Variants in ZMYM2 observed in about 807,000 individuals in gnomAD.
ZMYM2 encodes zinc finger MYM-type containing 2, also known as zinc finger MYM-type protein 2.
ZMYM2 carries 56 observed loss-of-function variants against 162.8 expected under a neutral mutation model. The ratio of observed to expected loss-of-function variants is 0.34; its 90% CI spans 0.28 to 0.43. ZMYM2 has a LOEUF of 0.43. Ranked by LOEUF, ZMYM2 falls within the 20% of genes least tolerant of loss-of-function variation. The probability of loss-of-function intolerance (pLI) is 1.00; values close to 1 mark genes in which losing one functional copy is unlikely to be tolerated. For missense variants in ZMYM2, 1,275 were observed against 1,621.8 expected (o/e 0.79, Z 3.67); for synonymous variants, 510 against 541.6 (o/e 0.94, Z 0.81).
chr13:20,051,253 G>GCATCTTTTTTTTTTTTTTTTT lies in ZMYM2; in HGVS notation c.2293-180_2293-179insCATCTTTTTTTTTTTTTTTTT, dbSNP rs369364385. ...GATGGACTTTGTCAACTGTGAAATTGTATTTTTTTTTTTTTTTTTCATTTA... is the reference window on the plus strand; with the variant it reads ...GATGGACTTTGTCAACTGTGAAATTGCATCTTTTTTTTTTTTTTTTTTATTTTTTTTTTTTTTTTTCATTTA... On this transcript the variant is annotated intron_variant, in intron 12 of 24. Coordinates refer to ENST00000610343, the MANE Select transcript of ZMYM2 (RefSeq NM_197968.4). 1.9e-4 allele frequency among the ~76,000 whole-genome samples: 14 copies of GCATCTTTTTTTTTTTTTTTTT among 74,210 alleles called. 2 individuals carry two copies. Among genetic ancestry groups the GCATCTTTTTTTTTTTTTTTTT allele is most frequent in the Non-Finnish European group, 1.5e-4 (5 of 33,782 alleles). 48.7% of individuals were successfully genotyped at this position (74,210 alleles called of 152,430 possible).
At chr13:19,973,355 T>C (rs572884794) in intron 2 of ZMYM2, among the ~76,000 whole-genome samples, 15 of 152,154 alleles carry the variant, frequency 9.9e-5, no homozygotes, top group African/African-American at 2.6e-4. Context: ...TGCAAGACTT[T>C]AATGAAGGAA....
intron 2 of ZMYM2, among the ~76,000 whole-genome samples, chr13:19,984,256 GACA>G (rs1329414749): frequency 5.9e-5 from 9 of 152,020 alleles, no homozygotes; most frequent in African/African-American, 1.4e-4. Context: ...GTTTTTTCAT[GACA>G]ACATCAACTG....
chr13:19,984,499 C>A (rs1948980631), intron 2 of ZMYM2, among the ~76,000 whole-genome samples: 1 of 152,138 alleles, frequency 6.6e-6, no homozygotes, highest in African/African-American at 2.4e-5. Flanking sequence ...AGAAGAAAAG[C>A]CATGTGAACT....
chr13:20,034,160 A>T, intron 10 of ZMYM2, 94 bp from the exon 11 acceptor site: 2 of 1,132,898 alleles, frequency 1.8e-6, no homozygotes, highest in Non-Finnish European at 2.3e-6. Flanking sequence ...AACATTAAAT[A>T]GGTAAATGAT....
the ZMYM2 span, among the ~76,000 whole-genome samples, chr13:19,888,347 C>T: frequency 6.6e-6 from 1 of 151,602 alleles, no homozygotes; most frequent in Non-Finnish European, 1.5e-5. Context: ...ACCACCATGG[C>T]GGGCTAATTT....
intron 21 of ZMYM2, among the ~76,000 whole-genome samples, chr13:20,068,902 T>C (rs980150977): frequency 2.6e-5 from 4 of 152,152 alleles, no homozygotes; most frequent in Non-Finnish European, 4.4e-5. Context: ...GGGTTATGTA[T>C]GGAATTTCAT....
intron 10 of ZMYM2, among the ~76,000 whole-genome samples, chr13:20,033,652 C>A (rs1953406608): frequency 6.6e-6 from 1 of 152,152 alleles, no homozygotes; most frequent in Admixed American, 6.5e-5. Flanking sequence ...CTTGTTCATA[C>A]CTGCTTGGGT....
intron 6 of ZMYM2, 71 bp downstream of exon 6, chr13:20,006,657 T>G (rs1594314916): frequency 7.1e-7 from 1 of 1,417,442 alleles, no homozygotes; most frequent in East Asian, 2.3e-5. Flanking sequence ...ACTTTTACTC[T>G]AACAGTGTTT....
At chr13:19,931,283 T>A in the ZMYM2 span, among the ~76,000 whole-genome samples, 55 of 152,260 alleles carry the variant, frequency 3.6e-4, no homozygotes, top group East Asian at 0.01. Flanking sequence ...TCAGTATTTT[T>A]CCCCCCATCA....
At chr13:19,873,597 CG>C in the ZMYM2 span, among the ~76,000 whole-genome samples, 1 of 151,888 alleles carries the variant, frequency 6.6e-6, no homozygotes, top group African/African-American at 2.4e-5. Flanking sequence ...TTAGTAGAGA[CG>C]GGGTTTTGCC....
chr13:20,056,734 A>C (rs1164220857), intron 14 of ZMYM2, among the ~76,000 whole-genome samples: 1 of 151,258 alleles, frequency 6.6e-6, no homozygotes, highest in Non-Finnish European at 1.5e-5. Flanking sequence ...GCAAATGAGC[A>C]TAGAAGGCTT....
intron 21 of ZMYM2, among the ~76,000 whole-genome samples, chr13:20,072,874 C>CTGA (rs1424174672): frequency 3.3e-5 from 5 of 151,238 alleles, no homozygotes; most frequent in African/African-American, 9.7e-5. Flanking sequence ...CCTTTCATTC[C>CTGA]TGATACTGGT....
chr13:19,929,408 T>G, the ZMYM2 span, among the ~76,000 whole-genome samples: 1 of 151,998 alleles, frequency 6.6e-6, no homozygotes, highest in African/African-American at 2.4e-5. Flanking sequence ...CAGGCTAATT[T>G]TTTGTATTTT....
intron 12 of ZMYM2, among the ~76,000 whole-genome samples, chr13:20,038,458 G>C (rs1953936801): frequency 6.6e-6 from 1 of 152,118 alleles, no homozygotes; most frequent in Non-Finnish European, 1.5e-5. Flanking sequence ...TATGGTGTAA[G>C]GAAGGGGTCC....
At chr13:20,035,293 T>G (rs1223880713) in intron 11 of ZMYM2, among the ~76,000 whole-genome samples, 1 of 152,180 alleles carries the variant, frequency 6.6e-6, no homozygotes, top group African/African-American at 2.4e-5. Context: ...GTGCGTTCAT[T>G]TACAGTCTTA....
At chr13:19,943,027 T>C in the ZMYM2 span, among the ~76,000 whole-genome samples, 1 of 152,200 alleles carries the variant, frequency 6.6e-6, no homozygotes, top group Non-Finnish European at 1.5e-5. Context: ...CTCTGGAGGC[T>C]AGAAATCTGA....
the ZMYM2 span, among the ~76,000 whole-genome samples, chr13:19,880,309 C>T: frequency 3.3e-5 from 5 of 152,156 alleles, no homozygotes; most frequent in African/African-American, 1.2e-4. Context: ...CACGGAATGT[C>T]TTTCCATTCG....
chr13:20,087,666 A>C lies in ZMYM2; in HGVS notation c.*1652A>C, dbSNP rs899233768. On this transcript the variant is annotated 3_prime_UTR_variant, in exon 25 of 25. Coordinates refer to ENST00000610343, the MANE Select transcript of ZMYM2 (RefSeq NM_197968.4). ...GCAATAATTATCTGAATGTTTTGGC[A>C]TAAAAAATTATAATGTTCTAACTTG... 10 of 184,182 alleles carry C rather than the reference A, an allele frequency of 5.4e-5. No homozygotes were observed. Among genetic ancestry groups the C allele is most frequent in the Admixed American group, 1.2e-4 (2 of 16,022 alleles). 11.4% of individuals were successfully genotyped at this position (184,182 alleles called of 1,614,324 possible).
At chr13:19,923,700 T>C in the ZMYM2 span, among the ~76,000 whole-genome samples, 1 of 138,978 alleles carries the variant, frequency 7.2e-6, no homozygotes, top group Non-Finnish European at 1.5e-5. Flanking sequence ...TGATGGAGTC[T>C]CGCTCTGTTG....
Sources: gnomAD v4.1 joint callset for allele counts (sites outside exome capture counted in the v4.1 genomes callset) on GRCh38, gnomAD v4.1.1 for gene constraint, MANE v1.5 for transcripts, NCBI Gene and HGNC (gene_info 2026-07-23, HGNC 2026-07-21) for gene names.